The following TP53BP2 variants were observed in gnomAD, a reference collection of about 807,000 sequenced individuals.
TP53BP2 encodes apoptosis-stimulating of p53 protein 2.
Under a neutral mutation model 126.2 loss-of-function variants are expected in TP53BP2, and 62 were observed. The ratio of observed to expected loss-of-function variants is 0.49; its 90% CI spans 0.40 to 0.61. The LOEUF (loss-of-function observed/expected upper bound fraction) is 0.61. Among genes scored for constraint, TP53BP2 ranks in the 20% least tolerant of loss-of-function variants. The probability of loss-of-function intolerance (pLI) is 0.00; values close to 1 mark genes in which losing one functional copy is unlikely to be tolerated. For missense variants in TP53BP2, 1,215 were observed against 1,402.8 expected, an observed-to-expected ratio of 0.87 and a Z score of 2.14; for synonymous variants, 485 against 502.9, an observed-to-expected ratio of 0.96 and a Z score of 0.48.
chr1:223,787,871 C>A (rs1045241679), intron 16 of TP53BP2, among the ~76,000 whole-genome samples: 1 of 151,740 alleles, frequency 6.6e-6, no homozygotes, highest in Non-Finnish European at 1.5e-5. Context: ...GAGCAAGACC[C>A]TACCTCAAAA....
rs754085262 is a variant in TP53BP2, at chr1:223,789,101, C to A, written c.3070G>T (p.Val1024Leu). Residue 1024 changes from valine to leucine, a missense_variant, in exon 16 of 18, where the codon GTG (valine) becomes TTG (leucine). By Grantham distance (32) the Val-to-Leu change is conservative. Transcript: ENST00000343537. ...CKFLVESGAA[V>L]FAMTYSDMQT... ...ATGTCACTGTAGGTCATGGCAAACA[C>A]AGCGGCTCCTGACTCCACCAAAAAC... 8 of 1,614,196 alleles carry A rather than the reference C, an allele frequency of 5.0e-6. No homozygotes were observed. Among genetic ancestry groups the A allele is most frequent in the East Asian group, 2.2e-5 (1 of 44,886 alleles).
At chr1:223,806,108 G>A (rs76398669) in intron 5 of TP53BP2, among the ~76,000 whole-genome samples, 2 of 152,226 alleles carry the variant, frequency 1.3e-5, no homozygotes, top group East Asian at 1.9e-4. Context: ...CAAGCAGCCC[G>A]TTATTGGTGC....
rs1182828368 is a variant in TP53BP2 at position 223,793,514 on chromosome 1, T to C, written c.2725-74A>G. On this transcript the variant is annotated intron_variant, in intron 13 of 17. Transcript: ENST00000343537. ...AACAACAGCAGCAAATGGGAAGGAA[T>C]GACTTCTCACCTAAATTAGTGAGAG... The C allele has an allele frequency of 4.8e-5, 65 of 1,364,876 alleles. No individual in the cohort carries two copies. The East Asian group carries it at 1.5e-3, about 32-fold the overall frequency. 84.5% of individuals were successfully genotyped at this position (1,364,876 alleles called of 1,614,324 possible).
At chr1:223,814,149 A>G (rs1243072404) in intron 3 of TP53BP2, 91 bp downstream of exon 3, 2 of 919,966 alleles carry the variant, frequency 2.2e-6, no homozygotes, top group African/African-American at 3.3e-5. Context: ...TCACCTCTCA[A>G]ATTACCTGGC....
intron 1 of TP53BP2, among the ~76,000 whole-genome samples, chr1:223,828,343 T>C (rs937332474): frequency 6.6e-6 from 1 of 152,252 alleles, no homozygotes; most frequent in Non-Finnish European, 1.5e-5. Flanking sequence ...AGTTATGCCC[T>C]GGTGGTGGGA....
At chr1:223,844,150 TGTAA>T (rs1664196171) in intron 1 of TP53BP2, among the ~76,000 whole-genome samples, 1 of 152,086 alleles carries the variant, frequency 6.6e-6, no homozygotes, top group African/African-American at 2.4e-5. Flanking sequence ...TCAAAGCTGG[TGTAA>T]GTGCCATCAT....
chr1:223,838,054 T>C (rs1323565338), intron 1 of TP53BP2, among the ~76,000 whole-genome samples: 2 of 152,038 alleles, frequency 1.3e-5, no homozygotes, highest in Non-Finnish European at 2.9e-5. Flanking sequence ...CTTCTTGTCA[T>C]TCAGGTCTCA....
At chr1:223,842,897 A>G (rs943349789) in intron 1 of TP53BP2, among the ~76,000 whole-genome samples, 1 of 152,218 alleles carries the variant, frequency 6.6e-6, no homozygotes, top group Non-Finnish European at 1.5e-5. Context: ...TATGAAAGTA[A>G]AACCAGTTTC....
intron 1 of TP53BP2, among the ~76,000 whole-genome samples, chr1:223,844,272 A>G (rs1664199033): frequency 6.6e-6 from 1 of 152,234 alleles, no homozygotes; most frequent in Non-Finnish European, 1.5e-5. Flanking sequence ...CGTTTTATGA[A>G]TTCGGCTACA....
In TP53BP2 at chr1:223,798,681, T is replaced by A. The variant is rs535172288; in HGVS notation, c.1486-4A>T. On this transcript the variant is annotated splice_polypyrimidine_tract_variant and splice_region_variant and intron_variant, in intron 11 of 17. Coordinates refer to ENST00000343537, the MANE Select transcript of TP53BP2 (RefSeq NM_001031685.3). ...TAGCCACATTTTTATTTGCAACCTA[T>A]AACACACACATAAAAAGCCAGTTAA... 7.6e-6 allele frequency: 12 copies of A among 1,587,496 alleles called. No homozygotes were observed. The highest frequency in any genetic ancestry group is 6.0e-6 in the Non-Finnish European group (7 of 1,166,956).
In TP53BP2 at chr1:223,836,426, G is replaced by A. The variant is rs543832817; in HGVS notation, c.27+9228C>T. ...GGTGCTATGTTTTAATAACTGACTT[G>A]GTGTTTTGAGTTTTTCAATCATTTC... On this transcript the variant is annotated intron_variant, in intron 1 of 17. Coordinates refer to ENST00000343537, the MANE Select transcript of TP53BP2 (RefSeq NM_001031685.3). 1.5e-4 allele frequency among the ~76,000 whole-genome samples: 23 copies of A among 152,220 alleles called. No homozygotes were observed. The South Asian group carries it at 1.9e-3, about 12-fold the overall frequency.
At chr1:223,794,468 T>A (rs1044475985) in intron 13 of TP53BP2, among the ~76,000 whole-genome samples, 2 of 152,220 alleles carry the variant, frequency 1.3e-5, no homozygotes, top group Non-Finnish European at 2.9e-5. Context: ...TACGAGATAG[T>A]TGCTTCTATT....
chr1:223,796,098 A>C lies in TP53BP2; in HGVS notation c.2441T>G (p.Leu814Trp), dbSNP rs1406443868. The change falls in exon 13 of 18, where the codon TTG becomes TGG. Residue 814 changes from leucine to tryptophan, a missense_variant. Transcript: ENST00000343537. The surrounding 1 kb of genome is among the most constrained non-coding windows in gnomAD (Gnocchi z 4.2). Reference sequence around the variant, plus strand: ...GGCATTCCCCACATCCTCTGGGGACAATGATTCAGGAACCAGAGAGACCAC... The same window carrying C: ...GGCATTCCCCACATCCTCTGGGGACCATGATTCAGGAACCAGAGAGACCAC... ...KEVVSLVPES[L>W]SPEDVGNAST... 6 of 1,614,088 alleles carry C rather than the reference A, an allele frequency of 3.7e-6. No individual in the cohort carries two copies. Among genetic ancestry groups the C allele is most frequent in the Non-Finnish European group, 4.2e-6 (5 of 1,180,046 alleles).
At chr1:223,804,023 C>A in intron 6 of TP53BP2, 151 bp downstream of exon 6, 1 of 755,646 alleles carries the variant, frequency 1.3e-6, no homozygotes, top group Non-Finnish European at 2.2e-6. Flanking sequence ...GTGGCTTGCA[C>A]CTGTAACCCC....
chr1:223,810,193 A>C (rs1337961605), intron 4 of TP53BP2, among the ~76,000 whole-genome samples: 1 of 152,178 alleles, frequency 6.6e-6, no homozygotes, highest in African/African-American at 2.4e-5. Context: ...TACTTCCTCA[A>C]ACTTGCTCAG....
chr1:223,810,363 A>G (rs941740796), intron 4 of TP53BP2, 68 bp downstream of exon 4: 2 of 1,169,190 alleles, frequency 1.7e-6, no homozygotes, highest in Non-Finnish European at 2.4e-6. Context: ...GTAATAATGA[A>G]TAAGATTTAA....
Position 223,780,862 on chromosome 1 carries a change from G to A in TP53BP2, c.3396C>T (p.Ser1132=), listed in dbSNP as rs768566048. ...ATTCTGTGTGGAAGTTTCAGGCCAA[G>A]CTCCTTTGTCTTGGTTTAATTCTTG... ...LYPRIKPRQR[S]LA The change falls in exon 18 of 18, where the codon AGC becomes AGT. Residue 1132 remains serine, a synonymous_variant. Transcript: ENST00000343537. 6.2e-7 allele frequency: 1 copy of A among 1,613,740 alleles called. No individual in the cohort carries two copies. The highest frequency in any genetic ancestry group is 1.7e-5 in the Admixed American group (1 of 59,976).
chr1:223,805,415 C>G (rs1662677313), intron 5 of TP53BP2, among the ~76,000 whole-genome samples: 1 of 152,208 alleles, frequency 6.6e-6, no homozygotes, highest in African/African-American at 2.4e-5. Flanking sequence ...TGCAGAAGCT[C>G]AAACCTCAAC....
intron 1 of TP53BP2, among the ~76,000 whole-genome samples, chr1:223,833,611 C>T (rs1345108738): frequency 6.6e-6 from 1 of 152,168 alleles, no homozygotes; most frequent in Non-Finnish European, 1.5e-5. Flanking sequence ...AAAAGAACCA[C>T]TTCATATACA....
Sources: allele counts gnomAD v4.1 joint callset (sites outside exome capture counted in the v4.1 genomes callset), GRCh38; gene constraint gnomAD v4.1.1; non-coding constraint Gnocchi (gnomAD v3.1); transcripts MANE v1.5; gene names NCBI Gene and HGNC (gene_info 2026-07-23, HGNC 2026-07-21).